The following MRNIP variants were observed in gnomAD, a reference collection of about 807,000 sequenced individuals.
MRNIP encodes the protein MRN complex-interacting protein.
Under a neutral mutation model 29.8 loss-of-function variants are expected in MRNIP, and 30 were observed. The ratio of observed to expected loss-of-function variants is 1.01; its 90% CI spans 0.75 to 1.36. MRNIP has a LOEUF of 1.36. Ranked by LOEUF, MRNIP falls within the 40% of genes most tolerant of loss-of-function variation. MRNIP has a pLI of 0.00. For synonymous variants in MRNIP, 201 were observed against 164.1 expected (o/e 1.23, Z -1.72); for missense variants, 459 against 423.5 (o/e 1.08, Z -0.74).
rs776265041 is a variant in MRNIP at position 179,837,828 on chromosome 5, TCTC to T, written c.592_594del (p.Glu198del). The T allele has an allele frequency of 1.9e-6, 3 of 1,613,054 alleles. No individual in the cohort carries two copies. The South Asian group carries it at 3.3e-5, about 18-fold the overall frequency. On this transcript the variant is annotated inframe_deletion, in exon 7 of 7. Coordinates refer to ENST00000292586, the MANE Select transcript of MRNIP (RefSeq NM_016175.4). ...TCCCCGGCACTGCAGTCTGCAGAGT[TCTC>T]CTGGAGGCAGGGGCTGCTGCCTTGT... is the stretch of plus-strand genomic sequence containing the variant.
intron 2 of MRNIP, among the ~76,000 whole-genome samples, chr5:179,851,955 T>A (rs560435754): frequency 1.3e-5 from 2 of 151,180 alleles, no homozygotes; most frequent in Non-Finnish European, 2.9e-5. Context: ...CCAGCCTGAG[T>A]GACAGAGCGA....
chr5:179,852,175 A>G (rs1179920067), intron 2 of MRNIP, among the ~76,000 whole-genome samples: 1 of 150,696 alleles, frequency 6.6e-6, no homozygotes, highest in Non-Finnish European at 1.5e-5. Flanking sequence ...AGTCCCAGAT[A>G]CTCAGGAGGC....
chr5:179,838,653 G>A (rs1476144594), intron 6 of MRNIP: 1 of 152,114 alleles, frequency 6.6e-6, no homozygotes, highest in Non-Finnish European at 1.5e-5. Flanking sequence ...TCCAGCCTAG[G>A]CAACAGAGCG....
chr5:179,842,822 C>G (rs1449614730), intron 4 of MRNIP, among the ~76,000 whole-genome samples: 1 of 150,502 alleles, frequency 6.6e-6, no homozygotes, highest in Non-Finnish European at 1.5e-5. Context: ...CACCTGAGCT[C>G]AGGAGTTCAA....
rs559679314 is a variant in MRNIP, at chr5:179,837,366, C to T, written c.*25G>A. On this transcript the variant is annotated 3_prime_UTR_variant, in exon 7 of 7. Coordinates refer to ENST00000292586, the MANE Select transcript of MRNIP (RefSeq NM_016175.4). ...CCTGTCCCTCCTAACAAGTGTATCT[C>T]GATTAATAACCTGCCAGTCCCAGAT... 3.3e-5 allele frequency: 52 copies of T among 1,580,918 alleles called. No homozygotes were observed. The East Asian group carries it at 6.1e-4, about 18-fold the overall frequency.
intron 1 of MRNIP, among the ~76,000 whole-genome samples, chr5:179,856,907 G>C (rs1242818406): frequency 6.6e-6 from 1 of 151,966 alleles, no homozygotes; most frequent in Non-Finnish European, 1.5e-5. Flanking sequence ...TGGGCAACAC[G>C]GCCGAAACCT....
intron 4 of MRNIP, among the ~76,000 whole-genome samples, chr5:179,843,792 A>G (rs1054425972): frequency 6.6e-6 from 1 of 152,118 alleles, no homozygotes; most frequent in Admixed American, 6.5e-5. Flanking sequence ...TGGAACAAGG[A>G]AAGATGGAAA....
At chr5:179,852,304 A>C (rs1759407956) in intron 2 of MRNIP, among the ~76,000 whole-genome samples, 2 of 151,980 alleles carry the variant, frequency 1.3e-5, no homozygotes, top group South Asian at 2.1e-4. Context: ...AAAAAACCCC[A>C]AAAAACAGCA....
At chr5:179,846,303 G>A (rs1470486690) in intron 3 of MRNIP, among the ~76,000 whole-genome samples, 2 of 127,942 alleles carry the variant, frequency 1.6e-5, no homozygotes, top group African/African-American at 2.9e-5. Context: ...TTTTTTTTTT[G>A]AGATGGAGTC....
In MRNIP at chr5:179,851,667, G is replaced by GT. The variant is rs200861866; in HGVS notation, c.126+1710dup. ...AACTTTGCTGAACCCATTCTGAAGTGTTTTTTTTCCCTTTTTTAAAAAAAA... is the reference window on the plus strand; with the variant it reads ...AACTTTGCTGAACCCATTCTGAAGTGTTTTTTTTTCCCTTTTTTAAAAAAAA... On this transcript the variant is annotated intron_variant, in intron 2 of 6. Coordinates refer to ENST00000292586, the MANE Select transcript of MRNIP (RefSeq NM_016175.4). Among the ~76,000 whole-genome samples the GT allele has an allele frequency of 1.3e-4, 20 of 151,638 alleles. No homozygotes were observed. In the East Asian group the frequency reaches 2.9e-3, roughly 22 times the overall value.
intron 1 of MRNIP, among the ~76,000 whole-genome samples, chr5:179,854,432 G>T (rs558847538): frequency 2.0e-4 from 30 of 152,280 alleles, no homozygotes; most frequent in Admixed American, 1.6e-3. Context: ...AGTGAGAAAA[G>T]AACAGACTAT....
rs745803658 is a variant in MRNIP, at chr5:179,842,062, T to C, written c.294A>G (p.Glu98=). 6 of 1,612,974 alleles carry C rather than the reference T, an allele frequency of 3.7e-6. No individual in the cohort carries two copies. The highest frequency in any genetic ancestry group is 1.3e-5 in the African/African-American group (1 of 74,946). The change falls in exon 5 of 7, where the codon GAA becomes GAG. Residue 98 remains glutamate, a splice_region_variant and synonymous_variant. Transcript: ENST00000292586. Reference sequence around the variant, plus strand: ...AGCGACTCTCTGAGGGCTGCGATTTTTCCTGCCAGATTGAGAAAAAAGTTG... The same window carrying C: ...AGCGACTCTCTGAGGGCTGCGATTTCTCCTGCCAGATTGAGAAAAAAGTTG... The part of the protein sequence containing the change: ...HQQAGNVKQQ[E]KSQPSESRWL...
intron 1 of MRNIP, among the ~76,000 whole-genome samples, chr5:179,856,012 G>C (rs527290896): frequency 6.7e-6 from 1 of 148,862 alleles, no homozygotes; most frequent in South Asian, 2.2e-4. Flanking sequence ...GGATTCAAGT[G>C]ATTCTCCTGC....
chr5:179,841,727 C>T, intron 5 of MRNIP, 180 bp downstream of exon 5: 1 of 660,890 alleles, frequency 1.5e-6, no homozygotes, highest in Non-Finnish European at 2.6e-6. Flanking sequence ...ACCAGCAGTG[C>T]CCAATGCCCA....
chr5:179,858,598 G>T, intron 1 of MRNIP, 133 bp downstream of exon 1: 1 of 593,036 alleles, frequency 1.7e-6, no homozygotes, highest in South Asian at 2.3e-5. Flanking sequence ...AATGAGACCC[G>T]CCCTCAGCGG....
intron 4 of MRNIP, among the ~76,000 whole-genome samples, chr5:179,842,389 G>C (rs1758916819): frequency 6.6e-6 from 1 of 151,970 alleles, no homozygotes; most frequent in Non-Finnish European, 1.5e-5. Context: ...TCATTTATAA[G>C]AACAGAAGTA....
Position 179,847,959 on chromosome 5 carries a change from T to C in MRNIP, c.215+19A>G, listed in dbSNP as rs747650621. On this transcript the variant is annotated intron_variant, in intron 3 of 6. Transcript: ENST00000292586. Reference sequence around the variant, plus strand: ...CGAAAACAGGGCAAGACAACCACGCTCTTCTCAAACAACTGTACCTGAGTG... The same window carrying C: ...CGAAAACAGGGCAAGACAACCACGCCCTTCTCAAACAACTGTACCTGAGTG... 7 of 1,554,560 alleles carry C rather than the reference T, an allele frequency of 4.5e-6. No homozygotes were observed. The highest frequency in any genetic ancestry group is 6.2e-6 in the Non-Finnish European group (7 of 1,129,144).
chr5:179,854,325 C>T (rs1379292359), intron 1 of MRNIP, among the ~76,000 whole-genome samples: 1 of 152,158 alleles, frequency 6.6e-6, no homozygotes, highest in Non-Finnish European at 1.5e-5. Flanking sequence ...TGGATCTGGC[C>T]TGAAATAATT....
intron 1 of MRNIP, among the ~76,000 whole-genome samples, chr5:179,858,414 T>C (rs550572349): frequency 1.3e-5 from 2 of 151,894 alleles, no homozygotes; most frequent in South Asian, 2.1e-4. Flanking sequence ...CCCCTCTCAC[T>C]GAAACTGCGA....
Sources: allele counts gnomAD v4.1 joint callset (sites outside exome capture counted in the v4.1 genomes callset), GRCh38; gene constraint gnomAD v4.1.1; transcripts MANE v1.5; gene names NCBI Gene and HGNC (gene_info 2026-07-23, HGNC 2026-07-21).